Variants in IAH1 observed in about 807,000 individuals in gnomAD.
IAH1 encodes the protein isoamyl acetate hydrolyzing esterase 1 (putative), also known as isoamyl acetate-hydrolyzing esterase 1 homolog.
In IAH1, 24 loss-of-function variants were observed where a neutral mutation model predicts 26.7. That is an observed-to-expected ratio of 0.90 (90% CI 0.65 to 1.26). IAH1 has a LOEUF of 1.26. Among genes scored for constraint, IAH1 ranks in the 50% most tolerant of loss-of-function variants. The pLI, the probability that IAH1 is intolerant of heterozygous loss-of-function variation, is 0.00. For missense variants in IAH1, 300 were observed against 299.9 expected, an observed-to-expected ratio of 1.00 and a Z score of 0.00; for synonymous variants, 140 against 118.5, an observed-to-expected ratio of 1.18 and a Z score of -1.18.
rs147375825 is a variant in IAH1, at chr2:9,479,042, G to A, written c.283+672G>A. Reference sequence around the variant, plus strand: ...GTGGTCTGCTATTCACGGGCACACCGTAGGAGACCTCTGAGTTGAGGCTGG... The same window carrying A: ...GTGGTCTGCTATTCACGGGCACACCATAGGAGACCTCTGAGTTGAGGCTGG... On this transcript the variant is annotated intron_variant, in intron 3 of 5. Coordinates refer to ENST00000497473, the MANE Select transcript of IAH1 (RefSeq NM_001039613.3). Among the ~76,000 whole-genome samples the A allele has an allele frequency of 2.6e-5, 4 of 152,270 alleles. No homozygotes were observed. In the East Asian group the frequency reaches 5.8e-4, roughly 22 times the overall value.
At chr2:9,486,408 A>G (rs1403561016) in intron 5 of IAH1, 1 of 152,236 alleles carries the variant, frequency 6.6e-6, no homozygotes, top group Non-Finnish European at 1.5e-5. Flanking sequence ...GTCTTTTTCA[A>G]TTTAATACAA....
downstream of IAH1, chr2:9,492,959 C>A: frequency 6.2e-7 from 1 of 1,611,244 alleles, no homozygotes; most frequent in South Asian, 1.1e-5. Context: ...CAGGACAGAC[C>A]CAACGATGTT....
intron 1 of IAH1, chr2:9,475,210 A>G (rs1682412993): frequency 1.6e-6 from 2 of 1,289,172 alleles, no homozygotes; most frequent in African/African-American, 3.0e-5. Flanking sequence ...ACGGTCTTCT[A>G]AATGCAGGTT....
At chr2:9,483,426 T>G (rs1661298574) in intron 4 of IAH1, among the ~76,000 whole-genome samples, 1 of 152,190 alleles carries the variant, frequency 6.6e-6, no homozygotes, top group African/African-American at 2.4e-5. Context: ...TAAATTTTTT[T>G]GTAGGGATGG....
At chr2:9,493,240 T>A (rs1662305016), downstream of IAH1, among the ~76,000 whole-genome samples, 1 of 152,240 alleles carries the variant, frequency 6.6e-6, no homozygotes, top group South Asian at 2.1e-4. Context: ...GGAGTAGCTG[T>A]GTCAACAGAT....
chr2:9,496,170 C>T (rs957857585), intron 6 of IAH1: 1 of 151,902 alleles, frequency 6.6e-6, no homozygotes, highest in Admixed American at 6.6e-5. Context: ...GCTCTGTTGC[C>T]CAGGCTAGAG....
At chr2:9,501,011 G>C (rs530528466), downstream of IAH1, among the ~76,000 whole-genome samples, 4 of 152,162 alleles carry the variant, frequency 2.6e-5, no homozygotes, top group African/African-American at 7.2e-5. Flanking sequence ...ACAAAATGAT[G>C]GATTTGATTA....
At chr2:9,487,789 TG>T (rs1213344148) in intron 5 of IAH1, among the ~76,000 whole-genome samples, 26 of 52,098 alleles carry the variant, frequency 5.0e-4, no homozygotes, top group South Asian at 2.1e-3. Context: ...CCGGCCTTTT[TG>T]TGTGTGTGTG....
At chr2:9,500,600 CAAGA>C (rs1013471797), downstream of IAH1, among the ~76,000 whole-genome samples, 5 of 152,016 alleles carry the variant, frequency 3.3e-5, no homozygotes, top group African/African-American at 7.2e-5. Context: ...ACCAACCAAC[CAAGA>C]GAGACAAATT....
downstream of IAH1, chr2:9,493,003 A>G: frequency 1.3e-6 from 2 of 1,596,684 alleles, no homozygotes; most frequent in East Asian, 2.3e-5. Flanking sequence ...ACAATTCCAA[A>G]CAGTTAATGT....
chr2:9,477,362 G>T (rs148366402), intron 2 of IAH1, among the ~76,000 whole-genome samples: 1 of 152,096 alleles, frequency 6.6e-6, no homozygotes, highest in Non-Finnish European at 1.5e-5. Flanking sequence ...AACCCCAGGC[G>T]TCATTTTAAG....
At chr2:9,491,709 C>T (rs1438111955), downstream of IAH1, among the ~76,000 whole-genome samples, 1 of 152,220 alleles carries the variant, frequency 6.6e-6, no homozygotes, top group East Asian at 1.9e-4. Context: ...TGCCCCATCC[C>T]TGCCTGTGGC....
intron 3 of IAH1, among the ~76,000 whole-genome samples, chr2:9,480,228 A>G (rs947614387): frequency 4.6e-5 from 7 of 152,204 alleles, no homozygotes; most frequent in Admixed American, 1.3e-4. Flanking sequence ...AGAAAAGCTC[A>G]TAATATGTTA....
chr2:9,486,789 A>G (rs1056061463), intron 5 of IAH1: 2 of 151,792 alleles, frequency 1.3e-5, no homozygotes, highest in East Asian at 1.9e-4. Flanking sequence ...AGACTGTGCC[A>G]TCGTTCTCTA....
intron 2 of IAH1, among the ~76,000 whole-genome samples, 162 bp from the exon 3 acceptor site, chr2:9,478,060 C>T (rs1317384971): frequency 6.6e-6 from 1 of 152,166 alleles, no homozygotes; most frequent in East Asian, 1.9e-4. Flanking sequence ...GATTAGCATG[C>T]TTCAGCTATG....
At chr2:9,500,737 T>C (rs1193879589), downstream of IAH1, among the ~76,000 whole-genome samples, 7 of 152,194 alleles carry the variant, frequency 4.6e-5, no homozygotes, top group African/African-American at 1.7e-4. Flanking sequence ...AAAAGGAACA[T>C]TATATACTGG....
At chr2:9,505,572 T>C in the IAH1 span, 1 of 581,310 alleles carries the variant, frequency 1.7e-6, no homozygotes, top group East Asian at 2.9e-5. Flanking sequence ...AAATGGCTGA[T>C]GTGAACTTGG....
downstream of IAH1, chr2:9,493,051 C>G: frequency 7.5e-7 from 1 of 1,327,698 alleles, no homozygotes; most frequent in Non-Finnish European, 1.1e-6. Context: ...GTGAAATGCT[C>G]TTAGGATATT....
At chr2:9,479,550 A>C (rs1661032234) in intron 3 of IAH1, among the ~76,000 whole-genome samples, 1 of 152,220 alleles carries the variant, frequency 6.6e-6, no homozygotes, top group Non-Finnish European at 1.5e-5. Context: ...CTTATCAAAA[A>C]ATGCCAATTA....
Sources: gnomAD v4.1 joint callset for allele counts (sites outside exome capture counted in the v4.1 genomes callset) on GRCh38, gnomAD v4.1.1 for gene constraint, MANE v1.5 for transcripts, NCBI Gene and HGNC (gene_info 2026-07-23, HGNC 2026-07-21) for gene names.